The following PTPRQ variants were observed in gnomAD, a reference collection of about 807,000 sequenced individuals.
The protein encoded by PTPRQ is phosphatidylinositol phosphatase PTPRQ.
PTPRQ carries 199 observed loss-of-function variants against 246.0 expected under a neutral mutation model. The observed-to-expected ratio is 0.81, with a 90% confidence interval of 0.72 to 0.91. PTPRQ has a LOEUF of 0.91. PTPRQ is among the 40% of genes least tolerant of loss of function. The pLI is 0.00. For synonymous variants in PTPRQ, 869 were observed against 853.2 expected, an observed-to-expected ratio of 1.02 and a Z score of -0.32; for missense variants, 2,624 against 2,528.4, an observed-to-expected ratio of 1.04 and a Z score of -0.81.
At chr12:80,656,121 T>C (rs1475661695) in intron 38 of PTPRQ, among the ~76,000 whole-genome samples, 3 of 152,176 alleles carry the variant, frequency 2.0e-5, no homozygotes, top group Admixed American at 2.0e-4. Context: ...GTCATTAAAC[T>C]AGATCATATA....
At chr12:80,522,460 T>G (rs889765627) in intron 17 of PTPRQ, among the ~76,000 whole-genome samples, 7 of 152,128 alleles carry the variant, frequency 4.6e-5, no homozygotes, top group African/African-American at 1.2e-4. Flanking sequence ...AGGGAATGCT[T>G]CCAGTTTTTG....
chr12:80,580,458 A>G (rs1239157796), intron 25 of PTPRQ, among the ~76,000 whole-genome samples: 1 of 152,148 alleles, frequency 6.6e-6, no homozygotes, highest in Non-Finnish European at 1.5e-5. Flanking sequence ...AAAGAATGGA[A>G]ATCTGATTCT....
At chr12:80,466,136 C>T (rs1162499805) in intron 6 of PTPRQ, among the ~76,000 whole-genome samples, 1 of 152,142 alleles carries the variant, frequency 6.6e-6, no homozygotes, top group African/African-American at 2.4e-5. Context: ...TCTCCTTAAG[C>T]TGATAAGCAA....
At chr12:80,543,630 A>G (rs1349222972) in intron 23 of PTPRQ, among the ~76,000 whole-genome samples, 1 of 152,160 alleles carries the variant, frequency 6.6e-6, no homozygotes, top group Admixed American at 6.6e-5. Flanking sequence ...ACTCAATATT[A>G]TGAGTATTAC....
At chr12:80,610,016 T>C (rs1054292616) in intron 27 of PTPRQ, among the ~76,000 whole-genome samples, 4 of 150,458 alleles carry the variant, frequency 2.7e-5, no homozygotes, top group African/African-American at 9.7e-5. Context: ...CAATTTTACA[T>C]GCATTGAAAG....
At chr12:80,646,345 A>T (rs1339201168) in intron 35 of PTPRQ, among the ~76,000 whole-genome samples, 3 of 152,342 alleles carry the variant, frequency 2.0e-5, no homozygotes, top group Non-Finnish European at 4.4e-5. Context: ...TCAAGCAGGT[A>T]TTTGAAACCA....
At chr12:80,449,807 T>C (rs1166059407) in intron 3 of PTPRQ, among the ~76,000 whole-genome samples, 1 of 152,178 alleles carries the variant, frequency 6.6e-6, no homozygotes, top group Non-Finnish European at 1.5e-5. Context: ...AGTCAGGTAG[T>C]GTGATGCCTC....
At position 80,510,450 on chromosome 12, in the gene PTPRQ, A is replaced by ATTT; in HGVS notation, c.2678+15_2678+17dup. ...ATTACACAGTTTATGTCTGGTAATA[A>ATTT]TTTTTTTTTTGGAAATAGTTCTGAG... is the stretch of plus-strand genomic sequence containing the variant. On this transcript the variant is annotated splice_region_variant and intron_variant, in intron 17 of 44. Coordinates refer to ENST00000644991, the MANE Select transcript of PTPRQ (RefSeq NM_001145026.2). 1 of 1,424,432 alleles carries ATTT rather than the reference A, an allele frequency of 7.0e-7. No homozygotes were observed. Among genetic ancestry groups the ATTT allele is most frequent in the Non-Finnish European group, 9.4e-7 (1 of 1,062,566 alleles). 88.2% of individuals were successfully genotyped at this position (1,424,432 alleles called of 1,614,324 possible).
chr12:80,513,489 C>T (rs1895185622), intron 17 of PTPRQ, among the ~76,000 whole-genome samples: 1 of 152,018 alleles, frequency 6.6e-6, no homozygotes, highest in Non-Finnish European at 1.5e-5. Context: ...TGTGTGTGCC[C>T]GTTAGGGTCT....
intron 8 of PTPRQ, among the ~76,000 whole-genome samples, chr12:80,478,307 G>A (rs926588964): frequency 6.6e-6 from 1 of 151,896 alleles, no homozygotes; most frequent in African/African-American, 2.4e-5. Context: ...CAACAGACCT[G>A]CAGCTGAGGG....
chr12:80,634,498 T>G (rs1289538716), intron 34 of PTPRQ, among the ~76,000 whole-genome samples: 2 of 152,236 alleles, frequency 1.3e-5, no homozygotes, highest in Non-Finnish European at 2.9e-5. Context: ...TTTTCATGCA[T>G]GTAAAAATAT....
chr12:80,473,053 A>G (rs61950913), intron 8 of PTPRQ, among the ~76,000 whole-genome samples: 7,854 of 147,264 alleles, frequency 0.053, 241 homozygotes, highest in Middle Eastern at 0.098. Context: ...ACACGCACAC[A>G]CACACACACA....
At chr12:80,480,935 T>C (rs1306276503) in intron 8 of PTPRQ, among the ~76,000 whole-genome samples, 2 of 152,138 alleles carry the variant, frequency 1.3e-5, no homozygotes, top group Non-Finnish European at 2.9e-5. Context: ...AGCCGAATTC[T>C]ACCAGAGGTA....
At chr12:80,462,044 G>T in intron 6 of PTPRQ, 1 of 700,534 alleles carries the variant, frequency 1.4e-6, no homozygotes, top group Non-Finnish European at 2.6e-6. Context: ...CCGTGAGAGA[G>T]CCGAAGCAGG....
intron 3 of PTPRQ, among the ~76,000 whole-genome samples, chr12:80,455,740 G>A (rs1008780321): frequency 4.0e-5 from 6 of 151,104 alleles, no homozygotes; most frequent in African/African-American, 4.9e-5. Context: ...AGAGGCGCCC[G>A]CCACCATGCC....
At chr12:80,658,656 C>T (rs184413289) in intron 39 of PTPRQ, among the ~76,000 whole-genome samples, 3 of 152,080 alleles carry the variant, frequency 2.0e-5, no homozygotes, top group Non-Finnish European at 2.9e-5. Flanking sequence ...CTTCCTAAGA[C>T]GGGATTCTAT....
At chr12:80,478,297 C>T (rs1218161162) in intron 8 of PTPRQ, among the ~76,000 whole-genome samples, 1 of 151,954 alleles carries the variant, frequency 6.6e-6, no homozygotes, top group Non-Finnish European at 1.5e-5. Flanking sequence ...CCAGGTACTC[C>T]AACAGACCTG....
At chr12:80,661,244 T>C (rs1036908402) in intron 39 of PTPRQ, among the ~76,000 whole-genome samples, 9 of 149,784 alleles carry the variant, frequency 6.0e-5, no homozygotes, top group African/African-American at 1.9e-4. Flanking sequence ...TATATGTGTG[T>C]ATACATAAAT....
intron 39 of PTPRQ, among the ~76,000 whole-genome samples, chr12:80,665,050 C>T (rs1416202327): frequency 6.6e-6 from 1 of 151,850 alleles, no homozygotes; most frequent in Non-Finnish European, 1.5e-5. Flanking sequence ...CCAAAATAGG[C>T]CATCTGCAAG....
Sources: allele counts gnomAD v4.1 joint callset (sites outside exome capture counted in the v4.1 genomes callset), GRCh38; gene constraint gnomAD v4.1.1; transcripts MANE v1.5; gene names NCBI Gene and HGNC (gene_info 2026-07-23, HGNC 2026-07-21).